The following TMEM181 variants were observed in gnomAD, a reference collection of about 807,000 sequenced individuals.
TMEM181 encodes transmembrane protein 181.
Under a neutral mutation model 71.9 loss-of-function variants are expected in TMEM181, and 39 were observed. The ratio of observed to expected loss-of-function variants is 0.54; its 90% CI spans 0.42 to 0.71. TMEM181 has a LOEUF of 0.71. Among genes scored for constraint, TMEM181 ranks in the 30% least tolerant of loss-of-function variants. TMEM181 has a pLI of 0.00. For missense variants in TMEM181, 595 were observed against 583.0 expected, an observed-to-expected ratio of 1.02 and a Z score of -0.21; for synonymous variants, 245 against 228.8, an observed-to-expected ratio of 1.07 and a Z score of -0.64.
In TMEM181 at chr6:158,632,858, A is replaced by G. The variant is rs1786736694; in HGVS notation, c.*970A>G. 1 of 152,496 alleles carries G rather than the reference A, an allele frequency of 6.6e-6. No homozygotes were observed. Among genetic ancestry groups the G allele is most frequent in the East Asian group, 1.9e-4 (1 of 5,212 alleles). 9.4% of individuals were successfully genotyped at this position (152,496 alleles called of 1,614,324 possible). On this transcript the variant is annotated 3_prime_UTR_variant, in exon 17 of 17. Transcript: ENST00000684151. Reference sequence around the variant, plus strand: ...CAAGGTGGGAGGATCACTTGAGCCCAGGAGTTTGAGACCAGCCTGGGCAAC... The same window carrying G: ...CAAGGTGGGAGGATCACTTGAGCCCGGGAGTTTGAGACCAGCCTGGGCAAC...
At chr6:158,558,469 C>G (rs1021793098), upstream of TMEM181, among the ~76,000 whole-genome samples, 3 of 152,146 alleles carry the variant, frequency 2.0e-5, no homozygotes, top group African/African-American at 7.2e-5. Context: ...GTTCAAAGGA[C>G]TTTGGGGCTG....
intron 1 of TMEM181, among the ~76,000 whole-genome samples, chr6:158,571,894 A>T (rs549179278): frequency 6.6e-6 from 1 of 152,352 alleles, no homozygotes; most frequent in African/African-American, 2.4e-5. Flanking sequence ...CCCTGAGGTC[A>T]TTCCTATGGC....
At chr6:158,556,334 G>T (rs150440395), upstream of TMEM181, among the ~76,000 whole-genome samples, 3 of 152,138 alleles carry the variant, frequency 2.0e-5, no homozygotes, top group African/African-American at 7.2e-5. Context: ...CTTCCTTCCC[G>T]TAGTGATCCT....
Position 158,605,258 on chromosome 6 carries a change from C to A in TMEM181, c.493-9C>A, listed in dbSNP as rs1184238264. 1.2e-6 allele frequency: 2 copies of A among 1,610,650 alleles called. No homozygotes were observed. The highest frequency in any genetic ancestry group is 1.7e-5 in the Admixed American group (1 of 59,900). ...TTTTTCAAATTGTTTTCTCCACTTTCTATTTTAGTGGAAGACTTATAACCC... is the reference window on the plus strand; with the variant it reads ...TTTTTCAAATTGTTTTCTCCACTTTATATTTTAGTGGAAGACTTATAACCC... On this transcript the variant is annotated splice_polypyrimidine_tract_variant and intron_variant, in intron 6 of 16. Transcript: ENST00000684151.
upstream of TMEM181, among the ~76,000 whole-genome samples, chr6:158,558,444 C>T (rs1478094588): frequency 6.6e-6 from 1 of 152,116 alleles, no homozygotes; most frequent in Admixed American, 6.5e-5. Flanking sequence ...ATCGGGCAGC[C>T]CTCAGAACCA....
At chr6:158,600,458 ATTTTTTTTTTTTT>A (rs61457107) in intron 6 of TMEM181, among the ~76,000 whole-genome samples, 18 of 91,860 alleles carry the variant, frequency 2.0e-4, no homozygotes, top group South Asian at 1.6e-3. Context: ...CCTAGGGTTA[ATTTTTTTTTTTTT>A]TTTTTTTTTT....
chr6:158,587,283 G>A (rs1783823637), intron 5 of TMEM181, among the ~76,000 whole-genome samples: 1 of 152,188 alleles, frequency 6.6e-6, no homozygotes, highest in Admixed American at 6.5e-5. Flanking sequence ...TGCCCGCCGT[G>A]CTGTGCATCT....
intron 1 of TMEM181, among the ~76,000 whole-genome samples, chr6:158,544,005 C>T (rs79630202): frequency 1.3e-5 from 2 of 152,120 alleles, no homozygotes; most frequent in East Asian, 1.9e-4. Flanking sequence ...TATTGGAAAT[C>T]GGGTCTGCAC....
chr6:158,572,180 C>T (rs558679306), intron 1 of TMEM181, among the ~76,000 whole-genome samples: 2 of 152,352 alleles, frequency 1.3e-5, no homozygotes, highest in South Asian at 2.1e-4. Context: ...GGCCCTGGGA[C>T]GGGCCTGGCA....
chr6:158,572,319 C>T (rs1343837148), intron 1 of TMEM181: 2 of 443,554 alleles, frequency 4.5e-6, no homozygotes, highest in Admixed American at 4.8e-5. Flanking sequence ...CATACTATGT[C>T]CATCTCCCTG....
intron 6 of TMEM181, among the ~76,000 whole-genome samples, chr6:158,590,670 G>T (rs916422367): frequency 1.3e-5 from 2 of 152,196 alleles, no homozygotes; most frequent in African/African-American, 2.4e-5. Flanking sequence ...CACCATGTTG[G>T]CCAGGATGGT....
At chr6:158,541,309 C>T (rs1781332223) in intron 1 of TMEM181, among the ~76,000 whole-genome samples, 1 of 151,938 alleles carries the variant, frequency 6.6e-6, no homozygotes, top group African/African-American at 2.4e-5. Flanking sequence ...CCCAGTTACT[C>T]AGGAGGCTGA....
chr6:158,555,170 T>C (rs139140877), upstream of TMEM181, among the ~76,000 whole-genome samples: 114 of 152,338 alleles, frequency 7.5e-4, 1 homozygote, highest in Non-Finnish European at 1.5e-3. Context: ...CAGGGTTTCC[T>C]TCCTGTGTTT....
At chr6:158,611,628 G>A in intron 10 of TMEM181, 1 of 335,602 alleles carries the variant, frequency 3.0e-6, no homozygotes, top group South Asian at 2.6e-5. Flanking sequence ...GGTTCCCCCT[G>A]ACGAAAGGAC....
chr6:158,581,999 C>G (rs546644922), intron 3 of TMEM181, among the ~76,000 whole-genome samples: 10 of 152,108 alleles, frequency 6.6e-5, no homozygotes, highest in Non-Finnish European at 1.2e-4. Flanking sequence ...TCCCCCTTCT[C>G]TCTGTTCTCA....
At chr6:158,575,729 A>G (rs1157264338) in intron 2 of TMEM181, among the ~76,000 whole-genome samples, 1 of 152,170 alleles carries the variant, frequency 6.6e-6, no homozygotes, top group African/African-American at 2.4e-5. Flanking sequence ...AAGGGACCTC[A>G]TTGTGGACAC....
chr6:158,544,182 AGTGTGTGTGTGTGTGTGTGT>A (rs34605570), intron 1 of TMEM181, among the ~76,000 whole-genome samples: 1 of 127,560 alleles, frequency 7.8e-6, no homozygotes, highest in Non-Finnish European at 1.7e-5. Context: ...AATTGGAGAG[AGTGTGTGTGTGTGTGTGTGT>A]GTGTGTGTGT....
rs369744087 is a variant in TMEM181 at position 158,614,883 on chromosome 6, A to G, written c.896+6133A>G. Among the ~76,000 whole-genome samples the G allele has an allele frequency of 1.6e-4, 25 of 152,276 alleles. No homozygotes were observed. The South Asian group carries it at 3.9e-3, about 24-fold the overall frequency. On this transcript the variant is annotated intron_variant, in intron 10 of 16. Transcript: ENST00000684151. ...GTGTCACATTTTCTTAATCCAGTCT[A>G]TCATTGATGAACATTTGGGTTGGTT...
chr6:158,601,422 C>G (rs779091535), intron 6 of TMEM181, among the ~76,000 whole-genome samples: 2 of 151,964 alleles, frequency 1.3e-5, no homozygotes, highest in African/African-American at 2.4e-5. Flanking sequence ...TGGCACATGC[C>G]TGTAATCCCA....
Sources: gnomAD v4.1 joint callset for allele counts (sites outside exome capture counted in the v4.1 genomes callset) on GRCh38, gnomAD v4.1.1 for gene constraint, MANE v1.5 for transcripts, NCBI Gene and HGNC (gene_info 2026-07-23, HGNC 2026-07-21) for gene names.